Variants in IGF2BP2 observed in about 807,000 individuals in gnomAD.
IGF2BP2 encodes the protein insulin like growth factor 2 mRNA binding protein 2.
IGF2BP2 carries 17 observed loss-of-function variants against 75.8 expected under a neutral mutation model. The observed-to-expected ratio is 0.22, with a 90% CI of 0.15 to 0.34. The LOEUF is 0.34. Ranked by LOEUF, IGF2BP2 falls within the 10% of genes least tolerant of loss-of-function variation. The probability of loss-of-function intolerance (pLI) is 1.00; values close to 1 mark genes in which losing one functional copy is unlikely to be tolerated. For synonymous variants in IGF2BP2, 288 were observed against 295.6 expected (o/e 0.97, Z 0.26); for missense variants, 516 against 772.4 (o/e 0.67, Z 3.93).
chr3:185,727,217 C>CAA (rs11294125), intron 2 of IGF2BP2, among the ~76,000 whole-genome samples: 5 of 106,204 alleles, frequency 4.7e-5, no homozygotes, highest in South Asian at 3.0e-4. Context: ...GACTCCGTCT[C>CAA]AAAAAAAAAA....
intron 2 of IGF2BP2, among the ~76,000 whole-genome samples, chr3:185,821,845 A>T (rs1371393660): frequency 6.6e-6 from 1 of 152,144 alleles, no homozygotes; most frequent in African/African-American, 2.4e-5. Context: ...TTCAACTTGG[A>T]TTTCTCAAGC....
chr3:185,649,865 C>T (rs1714269601), intron 13 of IGF2BP2, among the ~76,000 whole-genome samples: 1 of 152,180 alleles, frequency 6.6e-6, no homozygotes, highest in Non-Finnish European at 1.5e-5. Context: ...TCCATATTAT[C>T]ACCTATAAAG....
intron 2 of IGF2BP2, among the ~76,000 whole-genome samples, chr3:185,802,545 T>C (rs1314912252): frequency 6.6e-6 from 1 of 152,234 alleles, no homozygotes; most frequent in African/African-American, 2.4e-5. Context: ...CTCTTCCAAG[T>C]TGAAATAATT....
chr3:185,681,901 A>G (rs1720446843), intron 7 of IGF2BP2, among the ~76,000 whole-genome samples: 1 of 152,220 alleles, frequency 6.6e-6, no homozygotes, highest in Non-Finnish European at 1.5e-5. Context: ...TACACCATAT[A>G]CAAAGATTAA....
intron 9 of IGF2BP2, chr3:185,675,083 G>T: frequency 3.3e-6 from 1 of 299,162 alleles, no homozygotes; most frequent in Non-Finnish European, 5.8e-6. Flanking sequence ...CCTTATTTCA[G>T]TCTTCAAAGT....
chr3:185,811,556 C>A (rs892899537), intron 2 of IGF2BP2, among the ~76,000 whole-genome samples: 1 of 152,158 alleles, frequency 6.6e-6, no homozygotes, highest in East Asian at 1.9e-4. Flanking sequence ...CTGACTTCCA[C>A]CTCCTCTTGA....
At chr3:185,737,760 A>G (rs1729041958) in intron 2 of IGF2BP2, among the ~76,000 whole-genome samples, 1 of 152,236 alleles carries the variant, frequency 6.6e-6, no homozygotes, top group South Asian at 2.1e-4. Flanking sequence ...GTGGGAGAAC[A>G]TGAAGCAAAG....
intron 7 of IGF2BP2, among the ~76,000 whole-genome samples, chr3:185,683,745 A>C (rs1720726055): frequency 6.6e-6 from 1 of 152,178 alleles, no homozygotes; most frequent in South Asian, 2.1e-4. Flanking sequence ...GTTTAACCAC[A>C]ACTTTTAAAG....
At chr3:185,736,084 AG>A (rs1728816347) in intron 2 of IGF2BP2, among the ~76,000 whole-genome samples, 1 of 152,208 alleles carries the variant, frequency 6.6e-6, no homozygotes, top group Admixed American at 6.5e-5. Context: ...ACAGGCCCCA[AG>A]GGGTCCCCCA....
intron 2 of IGF2BP2, among the ~76,000 whole-genome samples, chr3:185,796,633 A>AAG (rs1553892634): frequency 2.1e-5 from 3 of 141,986 alleles, no homozygotes; most frequent in Admixed American, 7.1e-5. Context: ...AAAAAAAAAA[A>AAG]AGAGAGAGAG....
intron 9 of IGF2BP2, 137 bp downstream of exon 9, chr3:185,675,159 T>C (rs1719134753): frequency 2.5e-6 from 2 of 791,858 alleles, no homozygotes; most frequent in South Asian, 2.0e-5. Flanking sequence ...GTTGGTTTCC[T>C]GATTATTTTA....
chr3:185,766,316 A>T (rs1457509364), intron 2 of IGF2BP2, among the ~76,000 whole-genome samples: 2 of 152,242 alleles, frequency 1.3e-5, no homozygotes, highest in African/African-American at 2.4e-5. Context: ...AATACATTTT[A>T]AAATATTTTA....
At chr3:185,666,015 T>C (rs1033729768) in intron 10 of IGF2BP2, among the ~76,000 whole-genome samples, 13 of 148,374 alleles carry the variant, frequency 8.8e-5, no homozygotes, top group African/African-American at 1.5e-4. Flanking sequence ...GATAGATAGA[T>C]AGATAGATAG....
intron 2 of IGF2BP2, among the ~76,000 whole-genome samples, chr3:185,814,569 T>C (rs1740351450): frequency 6.6e-6 from 1 of 152,192 alleles, no homozygotes; most frequent in South Asian, 2.1e-4. Flanking sequence ...AAAGATATAG[T>C]AATAAAAATG....
chr3:185,666,880 C>A (rs998800601), intron 10 of IGF2BP2, among the ~76,000 whole-genome samples: 30 of 152,104 alleles, frequency 2.0e-4, no homozygotes, highest in Admixed American at 5.9e-4. Context: ...GGTAGGCCCA[C>A]ATGTTTTTTG....
At chr3:185,670,351 G>C (rs1224252412) in intron 10 of IGF2BP2, among the ~76,000 whole-genome samples, 3 of 152,054 alleles carry the variant, frequency 2.0e-5, no homozygotes, top group Non-Finnish European at 4.4e-5. Flanking sequence ...TTCTGCAAAG[G>C]AGCAAATCAT....
chr3:185,675,519 C>T (rs1025989574), intron 8 of IGF2BP2, 88 bp from the exon 9 acceptor site: 27 of 1,475,602 alleles, frequency 1.8e-5, no homozygotes, highest in African/African-American at 2.8e-5. Context: ...CAAGTTTTGG[C>T]GGAGAGAGAG....
At chr3:185,819,835 C>T (rs1441410486) in intron 2 of IGF2BP2, among the ~76,000 whole-genome samples, 1 of 134,986 alleles carries the variant, frequency 7.4e-6, no homozygotes, top group African/African-American at 3.4e-5. Context: ...GCAGGGAGGG[C>T]CTGAGATTGG....
intron 10 of IGF2BP2, among the ~76,000 whole-genome samples, chr3:185,662,248 T>C (rs1451921406): frequency 4.6e-5 from 7 of 151,858 alleles, no homozygotes; most frequent in Non-Finnish European, 8.8e-5. Flanking sequence ...GAGGCCGAGG[T>C]AGGCAGATCG....
Sources: gnomAD v4.1 joint callset for allele counts (sites outside exome capture counted in the v4.1 genomes callset) on GRCh38, gnomAD v4.1.1 for gene constraint, MANE v1.5 for transcripts, NCBI Gene and HGNC (gene_info 2026-07-23, HGNC 2026-07-21) for gene names.